NF1: variants seen among roughly 807,000 people sequenced by gnomAD.
The protein encoded by NF1 is neurofibromin.
Under a neutral mutation model 325.7 loss-of-function variants are expected in NF1, and 122 were observed. The ratio of observed to expected loss-of-function variants is 0.37; its 90% CI spans 0.32 to 0.44. The LOEUF (loss-of-function observed/expected upper bound fraction) is 0.44, where lower values mean the gene tolerates loss of function less well. NF1 is among the 20% of genes least tolerant of loss of function. The pLI, the probability that NF1 is intolerant of heterozygous loss-of-function variation, is 1.00. For synonymous variants in NF1, 1,091 were observed against 1,186.0 expected (o/e 0.92, Z 1.65); for missense variants, 2,140 against 3,415.4 (o/e 0.63, Z 9.31).
chr17:31,212,740 C>G (rs1336222264), intron 12 of NF1, among the ~76,000 whole-genome samples: 1 of 152,078 alleles, frequency 6.6e-6, no homozygotes, highest in Admixed American at 6.6e-5. Context: ...AATACATAAA[C>G]CAGTAACAGT....
chr17:31,244,267 C>G (rs943189049), intron 29 of NF1, among the ~76,000 whole-genome samples: 1 of 152,144 alleles, frequency 6.6e-6, no homozygotes, highest in African/African-American at 2.4e-5. Context: ...ACAAGCTGAG[C>G]TGAGCTGCCT....
At chr17:31,275,806 CTA>C (rs2067996702) in intron 36 of NF1, among the ~76,000 whole-genome samples, 2 of 152,154 alleles carry the variant, frequency 1.3e-5, no homozygotes, top group Admixed American at 6.5e-5. Flanking sequence ...ACTAAAGAAA[CTA>C]AATCTTCCAC....
chr17:31,214,586 G>GT lies in NF1; in HGVS notation c.1527+2dup, dbSNP rs1597698533. On this transcript the variant is annotated splice_donor_variant, in intron 13 of 57. Transcript: ENST00000358273. LOFTEE classifies it high-confidence loss of function. ...TGCAGATCCAAAGCTCTTGCTTTGT[G>GT]TAAGTATTTTTTTATGAAATGTCTC... 1 of 1,612,662 alleles carries GT rather than the reference G, an allele frequency of 6.2e-7. No individual in the cohort carries two copies. Among genetic ancestry groups the GT allele is most frequent in the Non-Finnish European group, 8.5e-7 (1 of 1,179,154 alleles).
At chr17:31,124,330 G>T (rs1914683140) in intron 1 of NF1, among the ~76,000 whole-genome samples, 1 of 151,774 alleles carries the variant, frequency 6.6e-6, no homozygotes, top group African/African-American at 2.4e-5. Flanking sequence ...CTCCCAAAGT[G>T]CTGGGATTAT....
At chr17:31,370,115 C>T (rs1381032463) in intron 57 of NF1, among the ~76,000 whole-genome samples, 1 of 151,944 alleles carries the variant, frequency 6.6e-6, no homozygotes, top group Non-Finnish European at 1.5e-5. Flanking sequence ...ACCACATTTA[C>T]CTATGTGTGA....
intron 29 of NF1, among the ~76,000 whole-genome samples, chr17:31,245,671 G>C (rs952759482): frequency 6.6e-6 from 1 of 152,214 alleles, no homozygotes; most frequent in East Asian, 1.9e-4. Context: ...ATAGGGCAAG[G>C]CATGTGGGAA....
chr17:31,229,645 G>C, intron 21 of NF1, 180 bp downstream of exon 21: 1 of 939,606 alleles, frequency 1.1e-6, no homozygotes, highest in South Asian at 1.5e-5. Context: ...ACTCTGGTGT[G>C]TATGTGTGCC....
chr17:31,182,082 A>G (rs760744473), intron 7 of NF1, among the ~76,000 whole-genome samples: 4 of 152,244 alleles, frequency 2.6e-5, no homozygotes, highest in South Asian at 4.1e-4. Context: ...CTGAAGCTTT[A>G]TTTTGTATTT....
At chr17:31,205,164 C>T (rs577485079) in intron 11 of NF1, among the ~76,000 whole-genome samples, 3 of 152,126 alleles carry the variant, frequency 2.0e-5, no homozygotes, top group East Asian at 1.9e-4. Context: ...TAATATAACT[C>T]GATGCTATTC....
intron 8 of NF1, among the ~76,000 whole-genome samples, chr17:31,191,251 G>A (rs2066337139): frequency 6.6e-6 from 1 of 152,028 alleles, no homozygotes; most frequent in African/African-American, 2.4e-5. Context: ...CAATCTTGAA[G>A]AAAATGAAAA....
intron 36 of NF1, among the ~76,000 whole-genome samples, chr17:31,307,325 C>G (rs772299730): frequency 1.3e-5 from 2 of 152,098 alleles, no homozygotes; most frequent in African/African-American, 2.4e-5. Context: ...GGCCCAATTA[C>G]AATAATTTGA....
At position 31,218,996 on chromosome 17, in the gene NF1, T is replaced by A; in HGVS notation, c.1528-9T>A. The A allele has an allele frequency of 6.2e-7, 1 of 1,609,442 alleles. No homozygotes were observed. The highest frequency in any genetic ancestry group is 8.5e-7 in the Non-Finnish European group (1 of 1,177,168). Reference sequence around the variant, plus strand: ...TTTTTTAATTGAAGTTTCCTTTTTTTCCTTGCAGAATCCAAGAAAACAGGG... The same window carrying A: ...TTTTTTAATTGAAGTTTCCTTTTTTACCTTGCAGAATCCAAGAAAACAGGG... On this transcript the variant is annotated splice_polypyrimidine_tract_variant and intron_variant, in intron 13 of 57. Coordinates refer to ENST00000358273, the MANE Select transcript of NF1 (RefSeq NM_001042492.3).
intron 36 of NF1, among the ~76,000 whole-genome samples, chr17:31,312,851 A>G (rs1047947993): frequency 7.5e-6 from 1 of 133,872 alleles, no homozygotes; most frequent in Non-Finnish European, 1.7e-5. Flanking sequence ...TCTATGTAAA[A>G]TACTCTTTGC....
At chr17:31,191,979 G>A (rs562066311) in intron 8 of NF1, among the ~76,000 whole-genome samples, 170 of 152,174 alleles carry the variant, frequency 1.1e-3, no homozygotes, top group Middle Eastern at 3.4e-3. Flanking sequence ...TTATGAATTC[G>A]CGGAACTTTT....
At chr17:31,222,144 T>C in intron 15 of NF1, 1 of 1,271,320 alleles carries the variant, frequency 7.9e-7, no homozygotes. Flanking sequence ...TTAAGAATAG[T>C]GCTAAATTTT....
In NF1 at chr17:31,230,460, C is replaced by T. The variant is rs565874020; in HGVS notation, c.3113+78C>T. ...GAAGTACAGAAAAAGAGTAGATATG[C>T]GGTTATTGGTAGAAAGGAGGACATG... On this transcript the variant is annotated intron_variant, in intron 23 of 57. Transcript: ENST00000358273. The T allele has an allele frequency of 2.0e-4, 303 of 1,534,580 alleles. 1 individual carries two copies. Among genetic ancestry groups the T allele is most frequent in the Non-Finnish European group, 2.5e-4 (281 of 1,111,080 alleles).
At chr17:31,218,924 G>A in intron 13 of NF1, 81 bp from the exon 14 acceptor site, 9 of 1,388,234 alleles carry the variant, frequency 6.5e-6, no homozygotes, top group Non-Finnish European at 9.0e-6. Context: ...CCCTTTAGCA[G>A]TCACTGTCTA....
chr17:31,313,722 A>ATGTGTGTGTGTGTG (rs60267436), intron 36 of NF1, among the ~76,000 whole-genome samples: 27 of 139,054 alleles, frequency 1.9e-4, no homozygotes, highest in African/African-American at 6.3e-4. Context: ...AAAAAAAAAT[A>ATGTGTGTGTGTGTG]TGTGTGTGTG....
chr17:31,100,369 T>G (rs1912209631), intron 1 of NF1, among the ~76,000 whole-genome samples: 5 of 152,182 alleles, frequency 3.3e-5, no homozygotes, highest in Admixed American at 3.3e-4. Flanking sequence ...AGCCTCATTC[T>G]TCAAGCCTGG....
Sources: gnomAD v4.1 joint callset for allele counts (sites outside exome capture counted in the v4.1 genomes callset) on GRCh38, gnomAD v4.1.1 for gene constraint, MANE v1.5 for transcripts, NCBI Gene and HGNC (gene_info 2026-07-23, HGNC 2026-07-21) for gene names.